Variants in AKAP6 observed in about 807,000 individuals in gnomAD.
The protein encoded by AKAP6 is A-kinase anchor protein 6.
Under a neutral mutation model 188.5 loss-of-function variants are expected in AKAP6, and 58 were observed. The ratio of observed to expected loss-of-function variants is 0.31; its 90% CI spans 0.25 to 0.38. The LOEUF (loss-of-function observed/expected upper bound fraction) is 0.38. Ranked by LOEUF, AKAP6 falls within the 10% of genes least tolerant of loss-of-function variation. The pLI, the probability that AKAP6 is intolerant of heterozygous loss-of-function variation, is 1.00. For missense variants in AKAP6, 2,710 were observed against 2,740.0 expected (o/e 0.99, Z 0.24); for synonymous variants, 989 against 998.6 (o/e 0.99, Z 0.18).
chr14:32,506,960 T>C (rs1381127166), intron 2 of AKAP6, among the ~76,000 whole-genome samples: 1 of 152,198 alleles, frequency 6.6e-6, no homozygotes, highest in Non-Finnish European at 1.5e-5. Flanking sequence ...AAAAAAAGTC[T>C]AGGTAAATGC....
intron 5 of AKAP6, among the ~76,000 whole-genome samples, chr14:32,582,398 C>A (rs1026619825): frequency 1.3e-5 from 2 of 151,478 alleles, no homozygotes; most frequent in African/African-American, 4.8e-5. Context: ...TTGTGGGTAA[C>A]CCGACCTTTC....
chr14:32,816,058 A>G (rs973373779), intron 12 of AKAP6, among the ~76,000 whole-genome samples: 1 of 152,142 alleles, frequency 6.6e-6, no homozygotes, highest in Non-Finnish European at 1.5e-5. Context: ...ATTTTATTCT[A>G]TGTTTTTTCT....
chr14:32,433,426 G>T, intron 1 of AKAP6, 34 bp from the exon 2 acceptor site: 1 of 1,405,614 alleles, frequency 7.1e-7, no homozygotes, highest in South Asian at 1.3e-5. Flanking sequence ...AATCTTGACT[G>T]ACTCTTGCTT....
intron 1 of AKAP6, among the ~76,000 whole-genome samples, chr14:32,336,277 C>G (rs1174213288): frequency 6.6e-6 from 1 of 151,992 alleles, no homozygotes; most frequent in Admixed American, 6.6e-5. Context: ...AGGGCTCTTG[C>G]CACCTCTTAG....
intron 5 of AKAP6, among the ~76,000 whole-genome samples, chr14:32,579,911 C>A (rs886512001): frequency 6.6e-6 from 1 of 152,012 alleles, no homozygotes; most frequent in Non-Finnish European, 1.5e-5. Flanking sequence ...GTAGAGGTAG[C>A]TACACAAGTT....
At chr14:32,631,729 C>T (rs922321247) in intron 7 of AKAP6, among the ~76,000 whole-genome samples, 6 of 151,928 alleles carry the variant, frequency 3.9e-5, no homozygotes, top group African/African-American at 9.7e-5. Context: ...GAAGTTGCCA[C>T]GTAAATGAGA....
Position 32,535,652 on chromosome 14 carries a change from A to G in AKAP6, c.423A>G (p.Ile141Met), listed in dbSNP as rs772403303. ...TGCTGTCTTACTCTGTCAACGTGAT[A>G]GTGGACATCCACGCAGTGCAGCTCC... ...LKLLSYSVNV[I>M]VDIHAVQLLW... Residue 141 changes from isoleucine to methionine, a missense_variant, in exon 3 of 14, where the codon ATA becomes ATG. By Grantham distance (10) the Ile-to-Met change is conservative. Around this residue, in one of 2 missense-constraint regions of AKAP6, gnomAD observed 237 missense variants for 313.9 expected, o/e 0.76. Coordinates refer to ENST00000280979, the MANE Select transcript of AKAP6 (RefSeq NM_004274.5). The G allele has an allele frequency of 1.4e-5, 22 of 1,614,120 alleles. No individual in the cohort carries two copies. The highest frequency in any genetic ancestry group is 1.9e-5 in the Non-Finnish European group (22 of 1,180,028).
At chr14:32,342,605 TC>T (rs1206541153) in intron 1 of AKAP6, among the ~76,000 whole-genome samples, 1 of 152,208 alleles carries the variant, frequency 6.6e-6, no homozygotes, top group East Asian at 1.9e-4. Flanking sequence ...TTTCTGCTGC[TC>T]TTTGAACCTT....
At chr14:32,651,701 T>A (rs1888235600) in intron 7 of AKAP6, among the ~76,000 whole-genome samples, 1 of 152,172 alleles carries the variant, frequency 6.6e-6, no homozygotes, top group Admixed American at 6.5e-5. Context: ...TAAGCCCTCA[T>A]GACTTAATTA....
chr14:32,671,125 T>TG (rs1428737248), intron 7 of AKAP6, among the ~76,000 whole-genome samples: 1 of 151,790 alleles, frequency 6.6e-6, no homozygotes, highest in East Asian at 1.9e-4. Context: ...TTTCTAGGGG[T>TG]GGGGGTGAGT....
Position 32,535,751 on chromosome 14 carries a change from C to T in AKAP6, c.522C>T (p.Gly174=), listed in dbSNP as rs952975850. The change falls in exon 3 of 14, where the codon GGC becomes GGT. Residue 174 remains glycine, a synonymous_variant. Transcript: ENST00000280979. ...TGCAAGGTCTGCAGGACGCCAATGG[C>T]AACTACACTAGGCAGACGGACATTC... ...RILQGLQDAN[G]NYTRQTDILQ... is the part of the protein sequence containing the mutation. 6.2e-6 allele frequency: 10 copies of T among 1,614,184 alleles called. No individual in the cohort carries two copies. Among genetic ancestry groups the T allele is most frequent in the Non-Finnish European group, 8.5e-6 (10 of 1,179,996 alleles).
chr14:32,576,446 G>T (rs1884721598), intron 4 of AKAP6, among the ~76,000 whole-genome samples: 1 of 152,092 alleles, frequency 6.6e-6, no homozygotes, highest in Admixed American at 6.6e-5. Flanking sequence ...AAATTGCAAG[G>T]TTATTGTGAT....
chr14:32,481,608 C>T (rs970148248), intron 2 of AKAP6, among the ~76,000 whole-genome samples: 7 of 152,192 alleles, frequency 4.6e-5, no homozygotes, highest in Admixed American at 2.6e-4. Context: ...TTCATTATCA[C>T]GGGAACAACA....
chr14:32,520,415 T>C (rs1309766827), intron 2 of AKAP6, among the ~76,000 whole-genome samples: 1 of 152,142 alleles, frequency 6.6e-6, no homozygotes, highest in African/African-American at 2.4e-5. Context: ...GGAGCTGGTT[T>C]TTTGAAAAGA....
intron 9 of AKAP6, among the ~76,000 whole-genome samples, chr14:32,726,789 C>A (rs1261263058): frequency 6.6e-6 from 1 of 152,196 alleles, no homozygotes; most frequent in Non-Finnish European, 1.5e-5. Flanking sequence ...GCACAGAGAC[C>A]CCATGCAAAT....
chr14:32,432,396 CCTTA>C (rs1393225176), intron 1 of AKAP6, among the ~76,000 whole-genome samples: 1 of 152,032 alleles, frequency 6.6e-6, no homozygotes, highest in Non-Finnish European at 1.5e-5. Flanking sequence ...TAAAATGCCA[CCTTA>C]CTTTTTGATG....
chr14:32,732,649 G>A (rs761764582), intron 10 of AKAP6, 49 bp downstream of exon 10: 69 of 1,589,832 alleles, frequency 4.3e-5, no homozygotes, highest in Admixed American at 2.0e-4. Context: ...CATTTTTTGC[G>A]TAGTGAAGTA....
In AKAP6 at chr14:32,461,775, A is replaced by G. The variant is rs1891332683; in HGVS notation, c.324+27958A>G. Among the ~76,000 whole-genome samples, 7 of 152,094 alleles carry G rather than the reference A, an allele frequency of 4.6e-5. No homozygotes were observed. In the South Asian group the frequency reaches 1.5e-3, roughly 32 times the overall value. On this transcript the variant is annotated intron_variant, in intron 2 of 13. Coordinates refer to ENST00000280979, the MANE Select transcript of AKAP6 (RefSeq NM_004274.5). ...AGGCTTCAGAAGGTGGGTAATAATGAACTCCTCTGAGCTAAAGGAGGATGT... is the reference window on the plus strand; with the variant it reads ...AGGCTTCAGAAGGTGGGTAATAATGGACTCCTCTGAGCTAAAGGAGGATGT...
chr14:32,352,077 GTGTGTGTGTGTGTGTGTGTGTGTGTT>G (rs1418120532), intron 1 of AKAP6, among the ~76,000 whole-genome samples: 7,490 of 121,530 alleles, frequency 0.062, 220 homozygotes, highest in South Asian at 0.14. Context: ...GACCCTGTGT[GTGTGTGTGTGTGTGTGTGTGTGTGTT>G]TGTGTGTGTG....
Sources: gnomAD v4.1 joint callset for allele counts (sites outside exome capture counted in the v4.1 genomes callset) on GRCh38, gnomAD v4.1.1 for gene constraint, gnomAD v4.1.1 regional missense constraint, MANE v1.5 for transcripts, NCBI Gene and HGNC (gene_info 2026-07-23, HGNC 2026-07-21) for gene names.